KCNH5: variants seen among roughly 807,000 people sequenced by gnomAD.
KCNH5 encodes the protein potassium voltage-gated channel subfamily H member 5.
In KCNH5, 46 loss-of-function variants were observed where a neutral mutation model predicts 96.1. The ratio of observed to expected loss-of-function variants is 0.48; its 90% CI spans 0.38 to 0.61. The LOEUF (loss-of-function observed/expected upper bound fraction) is 0.61. Ranked by LOEUF, KCNH5 falls within the 20% of genes least tolerant of loss-of-function variation. The probability of loss-of-function intolerance (pLI) is 0.00; values close to 1 mark genes in which losing one functional copy is unlikely to be tolerated. For synonymous variants in KCNH5, 439 were observed against 449.8 expected (o/e 0.98, Z 0.30); for missense variants, 907 against 1,225.8 (o/e 0.74, Z 3.88).
At chr14:62,965,333 G>C (rs891440998) in intron 6 of KCNH5, among the ~76,000 whole-genome samples, 5 of 151,972 alleles carry the variant, frequency 3.3e-5, no homozygotes, top group Admixed American at 6.6e-5. Flanking sequence ...CATGGTAGTG[G>C]GTGAGTTCTC....
chr14:62,934,541 C>T (rs1052098416), intron 7 of KCNH5, among the ~76,000 whole-genome samples: 12 of 152,142 alleles, frequency 7.9e-5, no homozygotes, highest in African/African-American at 2.7e-4. Flanking sequence ...TCAGCATGAT[C>T]GAGGATGAGG....
intron 3 of KCNH5, among the ~76,000 whole-genome samples, chr14:63,003,481 T>TTTATA (rs1191513573): frequency 7.7e-6 from 1 of 130,082 alleles, no homozygotes; most frequent in African/African-American, 3.0e-5. Context: ...ATTATATATA[T>TTTATA]TTTATATATA....
intron 7 of KCNH5, among the ~76,000 whole-genome samples, chr14:62,889,848 G>C (rs1202147353): frequency 6.6e-6 from 1 of 152,118 alleles, no homozygotes; most frequent in East Asian, 1.9e-4. Context: ...TATTAAAGAT[G>C]GTTGTTTAAA....
chr14:62,959,556 T>C (rs1308086148), intron 6 of KCNH5, among the ~76,000 whole-genome samples: 1 of 152,098 alleles, frequency 6.6e-6, no homozygotes, highest in Non-Finnish European at 1.5e-5. Flanking sequence ...CTTTTTTTAA[T>C]CTGTTGAAGT....
chr14:62,996,953 T>C (rs1890916093), intron 4 of KCNH5, among the ~76,000 whole-genome samples: 1 of 152,226 alleles, frequency 6.6e-6, no homozygotes, highest in Non-Finnish European at 1.5e-5. Context: ...AAATGTTAGG[T>C]CACAAATCAG....
chr14:62,711,405 T>C (rs1238213326), intron 10 of KCNH5, among the ~76,000 whole-genome samples: 1 of 152,130 alleles, frequency 6.6e-6, no homozygotes, highest in African/African-American at 2.4e-5. Context: ...TGTCGAGAAA[T>C]GTAAAAGTAA....
At chr14:63,028,421 T>C (rs1035565580) in intron 1 of KCNH5, among the ~76,000 whole-genome samples, 1 of 152,160 alleles carries the variant, frequency 6.6e-6, no homozygotes, top group Non-Finnish European at 1.5e-5. Context: ...TTGTACATGT[T>C]ATCCCTAATC....
At chr14:62,777,108 G>C (rs943086214) in intron 10 of KCNH5, among the ~76,000 whole-genome samples, 4 of 152,130 alleles carry the variant, frequency 2.6e-5, no homozygotes, top group Non-Finnish European at 4.4e-5. Flanking sequence ...TACAATAATA[G>C]CAATAAGAAC....
At chr14:62,728,147 G>A (rs956636212) in intron 10 of KCNH5, among the ~76,000 whole-genome samples, 3 of 151,552 alleles carry the variant, frequency 2.0e-5, no homozygotes, top group African/African-American at 7.3e-5. Flanking sequence ...TTAGGAGGCT[G>A]AGGCGGGCAG....
chr14:62,873,161 A>G (rs922554683), intron 7 of KCNH5, among the ~76,000 whole-genome samples: 21 of 151,912 alleles, frequency 1.4e-4, no homozygotes, highest in Admixed American at 3.9e-4. Flanking sequence ...AAAAAAAAAA[A>G]AAGAAGAAGA....
At chr14:62,862,281 G>T (rs748278771) in intron 7 of KCNH5, among the ~76,000 whole-genome samples, 1 of 152,016 alleles carries the variant, frequency 6.6e-6, no homozygotes, top group Non-Finnish European at 1.5e-5. Context: ...TGAAGTGGCC[G>T]GCACTGCCAA....
chr14:62,953,024 T>G (rs1029171179), intron 6 of KCNH5, among the ~76,000 whole-genome samples: 1 of 151,914 alleles, frequency 6.6e-6, no homozygotes, highest in African/African-American at 2.4e-5. Flanking sequence ...CAGTTTTATA[T>G]AGAGAGAGAG....
intron 7 of KCNH5, among the ~76,000 whole-genome samples, chr14:62,899,469 G>T (rs975135781): frequency 1.3e-5 from 2 of 152,094 alleles, no homozygotes; most frequent in East Asian, 3.9e-4. Context: ...TAAATGGCTT[G>T]ATTTATTCAT....
Position 62,950,551 on chromosome 14 carries a change from G to A in KCNH5, c.951C>T (p.Ser317=). 6.6e-7 allele frequency: 1 copy of A among 1,506,250 alleles called. No homozygotes were observed. Among genetic ancestry groups the A allele is most frequent in the Non-Finnish European group, 8.8e-7 (1 of 1,133,092 alleles). 93.3% of individuals were successfully genotyped at this position (1,506,250 alleles called of 1,614,324 possible). The change falls in exon 7 of 11, where the codon AGC becomes AGT. Residue 317 remains serine, a synonymous_variant. Transcript: ENST00000322893. ...NAFENVDEGI[S]SLFSSLKVVR... ...CCACTTTTAAAGAACTGAAGAGACT[G>A]CTGATTCCCTGGATTTAAAAAAAAA...
intron 10 of KCNH5, among the ~76,000 whole-genome samples, chr14:62,756,991 C>A (rs1048659769): frequency 6.6e-6 from 1 of 151,970 alleles, no homozygotes; most frequent in Admixed American, 6.6e-5. Context: ...AAACAATAAA[C>A]AAAGTGAAGA....
At chr14:62,895,334 C>CT (rs113031928) in intron 7 of KCNH5, among the ~76,000 whole-genome samples, 7,358 of 144,522 alleles carry the variant, frequency 0.051, 249 homozygotes, top group African/African-American at 0.094. Context: ...AGCATCATGA[C>CT]TTTTTTTTTT....
intron 1 of KCNH5, among the ~76,000 whole-genome samples, chr14:63,024,903 T>C (rs182634110): frequency 6.6e-6 from 1 of 152,198 alleles, no homozygotes; most frequent in East Asian, 1.9e-4. Context: ...AGGCCAGCAT[T>C]ACCCTGATAC....
intron 1 of KCNH5, among the ~76,000 whole-genome samples, chr14:63,043,366 A>C (rs1380981546): frequency 6.6e-6 from 1 of 152,138 alleles, no homozygotes; most frequent in Non-Finnish European, 1.5e-5. Flanking sequence ...GTGAAGTTGA[A>C]ATAACCCAAG....
intron 7 of KCNH5, among the ~76,000 whole-genome samples, chr14:62,893,218 C>A (rs1241210059): frequency 6.6e-6 from 1 of 152,120 alleles, no homozygotes; most frequent in East Asian, 1.9e-4. Context: ...TTGATTGTGA[C>A]CCTCATGGAT....
Sources: gnomAD v4.1 joint callset for allele counts (sites outside exome capture counted in the v4.1 genomes callset) on GRCh38, gnomAD v4.1.1 for gene constraint, MANE v1.5 for transcripts, NCBI Gene and HGNC (gene_info 2026-07-23, HGNC 2026-07-21) for gene names.